GABRG3: variants seen among roughly 807,000 people sequenced by gnomAD.
GABRG3 encodes gamma-aminobutyric acid type A receptor subunit gamma3.
A neutral mutation model predicts 48.8 loss-of-function variants in GABRG3; 25 were observed. That is an observed-to-expected ratio of 0.51 (90% CI 0.37 to 0.72). The LOEUF is 0.72. Among genes scored for constraint, GABRG3 ranks in the 30% least tolerant of loss-of-function variants. The pLI is 0.00. For missense variants in GABRG3, 394 were observed against 577.9 expected (o/e 0.68, Z 3.26); for synonymous variants, 227 against 217.6 (o/e 1.04, Z -0.38).
At chr15:27,022,846 T>C (rs1251718165) in intron 2 of GABRG3, among the ~76,000 whole-genome samples, 1 of 152,056 alleles carries the variant, frequency 6.6e-6, no homozygotes, top group Non-Finnish European at 1.5e-5. Flanking sequence ...AAGACGGCCA[T>C]GGAGAGTGGA....
rs566972492 is a variant in GABRG3 at position 27,406,746 on chromosome 15, T to C, written c.575-73904T>C. Among the ~76,000 whole-genome samples, 6 of 152,236 alleles carry C rather than the reference T, an allele frequency of 3.9e-5. No homozygotes were observed. In the South Asian group the frequency reaches 1.0e-3, roughly 26 times the overall value. ...TCAAGAGGGTACTAGCAAAACTTGGTAAGTCTGGAGCTATTAAAGAGTAGT... is the reference window on the plus strand; with the variant it reads ...TCAAGAGGGTACTAGCAAAACTTGGCAAGTCTGGAGCTATTAAAGAGTAGT... On this transcript the variant is annotated intron_variant, in intron 5 of 9. Coordinates refer to ENST00000615808, the MANE Select transcript of GABRG3 (RefSeq NM_033223.5).
At chr15:27,456,539 A>G (rs1457051380) in intron 5 of GABRG3, among the ~76,000 whole-genome samples, 1 of 152,162 alleles carries the variant, frequency 6.6e-6, no homozygotes, top group African/African-American at 2.4e-5. Context: ...CACATTATAC[A>G]AGAAGAGGCC....
At chr15:27,317,829 A>G (rs1346027654) in intron 3 of GABRG3, among the ~76,000 whole-genome samples, 1 of 152,162 alleles carries the variant, frequency 6.6e-6, no homozygotes, top group Non-Finnish European at 1.5e-5. Context: ...CCTGATTTAG[A>G]CCCTGTGAGC....
Position 27,342,367 on chromosome 15 carries a change from C to G in GABRG3, c.574+13479C>G, listed in dbSNP as rs377287550. Among the ~76,000 whole-genome samples the G allele has an allele frequency of 1.4e-4, 21 of 152,304 alleles. No homozygotes were observed. The East Asian group carries it at 4.1e-3, about 29-fold the overall frequency. ...CCATGTGAACTCAGCTCTTGTTGTC[C>G]AAGTGCAGGGTTCTCTCCACTACCC... On this transcript the variant is annotated intron_variant, in intron 5 of 9. Coordinates refer to ENST00000615808, the MANE Select transcript of GABRG3 (RefSeq NM_033223.5).
chr15:27,036,604 C>G (rs888128075), intron 3 of GABRG3, among the ~76,000 whole-genome samples: 1 of 152,074 alleles, frequency 6.6e-6, no homozygotes, highest in Non-Finnish European at 1.5e-5. Flanking sequence ...GCAGGAGAAT[C>G]GCTTGAACCT....
intron 3 of GABRG3, among the ~76,000 whole-genome samples, chr15:27,046,147 G>T (rs57503094): frequency 0.16 from 24,423 of 151,966 alleles, 2,818 homozygotes; most frequent in African/African-American, 0.31. Flanking sequence ...AGGCTGGAGT[G>T]CAATGGCACG....
At chr15:27,451,557 T>A (rs1889112118) in intron 5 of GABRG3, among the ~76,000 whole-genome samples, 1 of 152,160 alleles carries the variant, frequency 6.6e-6, no homozygotes, top group African/African-American at 2.4e-5. Flanking sequence ...ATTAAAATCT[T>A]AAAGGTAAGA....
chr15:27,243,205 T>C (rs1366870191), intron 3 of GABRG3, among the ~76,000 whole-genome samples: 1 of 152,126 alleles, frequency 6.6e-6, no homozygotes, highest in Middle Eastern at 3.2e-3. Flanking sequence ...AAATGCTAGG[T>C]AAGAGGCAGG....
At chr15:27,241,694 A>G (rs182369950) in intron 3 of GABRG3, among the ~76,000 whole-genome samples, 1 of 152,362 alleles carries the variant, frequency 6.6e-6, no homozygotes, top group Admixed American at 6.5e-5. Flanking sequence ...ATTCTAGTGC[A>G]TAGTTAGTAG....
At chr15:27,013,326 T>C (rs1895722470) in intron 2 of GABRG3, among the ~76,000 whole-genome samples, 1 of 152,148 alleles carries the variant, frequency 6.6e-6, no homozygotes, top group Non-Finnish European at 1.5e-5. Context: ...TTGACATTTC[T>C]GTTCCTTCTA....
intron 3 of GABRG3, among the ~76,000 whole-genome samples, chr15:27,212,593 T>C (rs1889111422): frequency 1.3e-5 from 2 of 152,202 alleles, no homozygotes; most frequent in African/African-American, 4.8e-5. Context: ...CACCGTACCA[T>C]CTTAGCCATT....
chr15:27,513,501 A>G (rs551569654), intron 6 of GABRG3, among the ~76,000 whole-genome samples: 1 of 152,292 alleles, frequency 6.6e-6, no homozygotes, highest in South Asian at 2.1e-4. Context: ...CTGTTACAGA[A>G]TCTAACCTGC....
intron 4 of GABRG3, among the ~76,000 whole-genome samples, chr15:27,327,819 C>A (rs1893668425): frequency 2.0e-5 from 3 of 152,122 alleles, no homozygotes; most frequent in Admixed American, 2.0e-4. Flanking sequence ...CCTTCTTGCA[C>A]CTGCTTTGTG....
At chr15:27,199,818 A>T (rs1888622168) in intron 3 of GABRG3, among the ~76,000 whole-genome samples, 1 of 152,156 alleles carries the variant, frequency 6.6e-6, no homozygotes, top group Non-Finnish European at 1.5e-5. Flanking sequence ...TGGACTAAGA[A>T]ACTTACCCTT....
At chr15:27,443,033 C>T (rs1011242440) in intron 5 of GABRG3, among the ~76,000 whole-genome samples, 1 of 152,168 alleles carries the variant, frequency 6.6e-6, no homozygotes, top group Non-Finnish European at 1.5e-5. Flanking sequence ...CCCCCAAATC[C>T]CTGTGTTGAA....
chr15:27,097,096 C>T (rs1003296660), intron 3 of GABRG3, among the ~76,000 whole-genome samples: 31 of 151,386 alleles, frequency 2.0e-4, no homozygotes, highest in African/African-American at 7.3e-4. Flanking sequence ...AGGTGATCCT[C>T]CCGCTTTGGC....
chr15:27,412,719 T>A (rs1279857377), intron 5 of GABRG3, among the ~76,000 whole-genome samples: 2 of 152,110 alleles, frequency 1.3e-5, no homozygotes, highest in African/African-American at 4.8e-5. Context: ...CCCTGCAGGG[T>A]TTTGTATTTG....
At chr15:27,396,989 G>A (rs1273497524) in intron 5 of GABRG3, among the ~76,000 whole-genome samples, 4 of 152,202 alleles carry the variant, frequency 2.6e-5, no homozygotes, top group Non-Finnish European at 1.5e-5. Context: ...ATGGGAAAAT[G>A]TAGGGAGTGA....
intron 3 of GABRG3, among the ~76,000 whole-genome samples, chr15:27,270,799 A>G (rs141166040): frequency 2.5e-3 from 387 of 152,336 alleles, no homozygotes; most frequent in African/African-American, 8.4e-3. Flanking sequence ...TGATTATTAT[A>G]CAGCTTATAC....
Sources: allele counts gnomAD v4.1 joint callset (sites outside exome capture counted in the v4.1 genomes callset), GRCh38; gene constraint gnomAD v4.1.1; transcripts MANE v1.5; gene names NCBI Gene and HGNC (gene_info 2026-07-23, HGNC 2026-07-21).